TM9SF4: variants seen among roughly 807,000 people sequenced by gnomAD.
TM9SF4 encodes transmembrane 9 superfamily member 4.
In TM9SF4, 26 loss-of-function variants were observed where a neutral mutation model predicts 90.4. That is an observed-to-expected ratio of 0.29 (90% confidence interval 0.21 to 0.40). The LOEUF (loss-of-function observed/expected upper bound fraction) is 0.40. Among genes scored for constraint, TM9SF4 ranks in the 10% least tolerant of loss-of-function variants. The probability of loss-of-function intolerance (pLI) is 1.00; values close to 1 mark genes in which losing one functional copy is unlikely to be tolerated. For missense variants in TM9SF4, 549 were observed against 834.8 expected (o/e 0.66, Z 4.22); for synonymous variants, 293 against 315.4 (o/e 0.93, Z 0.75).
intron 1 of TM9SF4, among the ~76,000 whole-genome samples, chr20:32,121,732 G>C (rs986910325): frequency 4.6e-5 from 7 of 152,142 alleles, no homozygotes; most frequent in African/African-American, 1.4e-4. Flanking sequence ...CCTCCCAGAC[G>C]GGGTGGTGGC....
At chr20:32,156,942 CTTTTT>C (rs71185385) in intron 13 of TM9SF4, among the ~76,000 whole-genome samples, 2 of 103,502 alleles carry the variant, frequency 1.9e-5, no homozygotes, top group East Asian at 6.2e-4. Context: ...TGGACATTTT[CTTTTT>C]TTTTTTTTTT....
intron 1 of TM9SF4, among the ~76,000 whole-genome samples, chr20:32,129,587 T>A (rs2122363362): frequency 6.6e-6 from 1 of 151,184 alleles, no homozygotes; most frequent in East Asian, 1.9e-4. Flanking sequence ...TTTACTATTG[T>A]AAGTAGTGAA....
At chr20:32,126,401 C>T (rs900916225) in intron 1 of TM9SF4, among the ~76,000 whole-genome samples, 3 of 152,194 alleles carry the variant, frequency 2.0e-5, no homozygotes, top group African/African-American at 7.2e-5. Flanking sequence ...CTCATAGTTG[C>T]CACCAGGCCT....
At chr20:32,153,498 C>T (rs1160294868) in intron 12 of TM9SF4, among the ~76,000 whole-genome samples, 1 of 152,226 alleles carries the variant, frequency 6.6e-6, no homozygotes, top group African/African-American at 2.4e-5. Flanking sequence ...CCTCTAATCC[C>T]AGTCCTTTGG....
At chr20:32,135,646 A>G (rs539864146) in intron 2 of TM9SF4, among the ~76,000 whole-genome samples, 1 of 152,358 alleles carries the variant, frequency 6.6e-6, no homozygotes, top group South Asian at 2.1e-4. Flanking sequence ...TAGGGCAGAA[A>G]GGAGCAGTAG....
intron 5 of TM9SF4, among the ~76,000 whole-genome samples, chr20:32,142,521 C>T (rs1170511625): frequency 1.3e-5 from 2 of 152,218 alleles, no homozygotes; most frequent in African/African-American, 4.8e-5. Context: ...TCTAAGTCTC[C>T]AGTCCCAGCT....
intron 15 of TM9SF4, 32 bp from the exon 16 acceptor site, chr20:32,159,960 A>G (rs2046990371): frequency 6.2e-7 from 1 of 1,613,836 alleles, no homozygotes. Flanking sequence ...CAGGGTGGTC[A>G]AGCCAGCTGA....
intron 6 of TM9SF4, 93 bp downstream of exon 6, chr20:32,143,198 C>G (rs73906753): frequency 2.0e-6 from 3 of 1,488,552 alleles, no homozygotes; most frequent in African/African-American, 2.8e-5. Context: ...CTGAGCTGGC[C>G]GATGGGCTCG....
intron 8 of TM9SF4, 32 bp downstream of exon 8, chr20:32,145,455 T>TG: frequency 6.4e-7 from 1 of 1,568,156 alleles, no homozygotes; most frequent in Non-Finnish European, 8.8e-7. Context: ...GGAAAGGGGA[T>TG]GGGGGTTGGG....
At chr20:32,154,992 C>T in intron 12 of TM9SF4, 111 bp from the exon 13 acceptor site, 1 of 782,186 alleles carries the variant, frequency 1.3e-6, no homozygotes, top group Non-Finnish European at 2.3e-6. Flanking sequence ...GATGCTTGAG[C>T]AGAGTCTGAA....
In TM9SF4 at chr20:32,109,928, C is replaced by G. The variant is rs373076640; in HGVS notation, c.15+173C>G. On this transcript the variant is annotated intron_variant, in intron 1 of 17. Transcript: ENST00000398022. ...CCGAAATCCACCTCCCTGGCCCTGC[C>G]CCTGCACTCAGGCTTGTGAAGGCCC... 2.1e-6 allele frequency: 3 copies of G among 1,443,946 alleles called. No individual in the cohort carries two copies. In the African/African-American group the frequency reaches 4.3e-5, roughly 21 times the overall value. The allele number at this position is 1,443,946 out of a possible 1,614,324, so 89.4% of individuals were successfully genotyped here.
chr20:32,120,343 T>C (rs1316951524), intron 1 of TM9SF4, among the ~76,000 whole-genome samples: 1 of 151,924 alleles, frequency 6.6e-6, no homozygotes, highest in East Asian at 1.9e-4. Context: ...TACAAGTCCT[T>C]TTAAAAATAT....
At chr20:32,156,098 C>T (rs527901712) in intron 13 of TM9SF4, among the ~76,000 whole-genome samples, 1 of 152,264 alleles carries the variant, frequency 6.6e-6, no homozygotes, top group Non-Finnish European at 1.5e-5. Context: ...CAATGTAGGT[C>T]TTTAATATAT....
intron 9 of TM9SF4, among the ~76,000 whole-genome samples, chr20:32,148,713 C>T (rs1234170286): frequency 6.8e-6 from 1 of 147,068 alleles, no homozygotes; most frequent in African/African-American, 2.5e-5. Context: ...CTCTGTTGCC[C>T]AGGCTGGAGT....
Position 32,157,898 on chromosome 20 carries a change from C to T in TM9SF4, c.1434C>T (p.Asp478=). Reference sequence around the variant, plus strand: ...TCGGCTTCCGAAAGCAGCCATATGACAACCCTGTGCGCACCAACCAGATTC... The same window carrying T: ...TCGGCTTCCGAAAGCAGCCATATGATAACCCTGTGCGCACCAACCAGATTC... The part of the protein sequence containing the change: ...YYFGFRKQPY[D]NPVRTNQIPR... The change falls in exon 14 of 18, where the codon GAC becomes GAT. Residue 478 remains aspartate, a synonymous_variant. Coordinates refer to ENST00000398022, the MANE Select transcript of TM9SF4 (RefSeq NM_014742.4). 2 of 1,614,152 alleles carry T rather than the reference C, an allele frequency of 1.2e-6. No homozygotes were observed. The highest frequency in any genetic ancestry group is 8.5e-7 in the Non-Finnish European group (1 of 1,180,024).
rs756708748 is a variant in TM9SF4, at chr20:32,158,431, A to T, written c.1506-20A>T. On this transcript the variant is annotated intron_variant, in intron 14 of 17. Coordinates refer to ENST00000398022, the MANE Select transcript of TM9SF4 (RefSeq NM_014742.4). The stretch of plus-strand genomic sequence containing the variant: ...TGGTGGCCTGGTCTCTAACAATGTC[A>T]ACCTCTCGTTCTGTGGCAGCATCCT... The T allele has an allele frequency of 5.0e-6, 8 of 1,613,970 alleles. No individual in the cohort carries two copies. The South Asian group carries it at 8.8e-5, about 18-fold the overall frequency.
At chr20:32,114,765 A>G (rs750079154) in intron 1 of TM9SF4, among the ~76,000 whole-genome samples, 2 of 152,224 alleles carry the variant, frequency 1.3e-5, no homozygotes, top group Non-Finnish European at 2.9e-5. Context: ...GACCCCATGT[A>G]CAGGAGGACA....
intron 12 of TM9SF4, among the ~76,000 whole-genome samples, chr20:32,153,036 G>A (rs558476939): frequency 1.9e-4 from 29 of 152,298 alleles, no homozygotes; most frequent in African/African-American, 5.5e-4. Flanking sequence ...CCTTTGAGCC[G>A]GGCCTTGAGG....
intron 6 of TM9SF4, 42 bp downstream of exon 6, chr20:32,143,147 C>T (rs758905118): frequency 3.7e-6 from 6 of 1,603,392 alleles, no homozygotes; most frequent in Non-Finnish European, 8.5e-7. Flanking sequence ...GCTGGATGGG[C>T]CTGGGCTTCT....
Sources: gnomAD v4.1 joint callset for allele counts (sites outside exome capture counted in the v4.1 genomes callset) on GRCh38, gnomAD v4.1.1 for gene constraint, MANE v1.5 for transcripts, NCBI Gene and HGNC (gene_info 2026-07-23, HGNC 2026-07-21) for gene names.